PCDHGA5: variants seen among roughly 807,000 people sequenced by gnomAD.
PCDHGA5 encodes protocadherin gamma subfamily A, 5, also known as protocadherin gamma-A5.
A neutral mutation model predicts 56.7 loss-of-function variants in PCDHGA5; 36 were observed. The observed-to-expected ratio is 0.64, with a 90% CI of 0.49 to 0.84. The LOEUF (loss-of-function observed/expected upper bound fraction) is 0.84. Ranked by LOEUF, PCDHGA5 falls within the 40% of genes least tolerant of loss-of-function variation. The probability of loss-of-function intolerance (pLI) is 0.00; values close to 1 mark genes in which losing one functional copy is unlikely to be tolerated. For synonymous variants in PCDHGA5, 563 were observed against 520.2 expected (o/e 1.08, Z -1.12); for missense variants, 1,305 against 1,201.5 (o/e 1.09, Z -1.27).
At position 141,366,145 on chromosome 5, in the gene PCDHGA5, C is replaced by A; in HGVS notation, c.1815C>A (p.Ser605=). Reference sequence around the variant, plus strand: ...ATTCAGGCCAGAACGCCTGGCTGTCCTACCGCCTGCTTAAGGCCAGCGAGC... The same window carrying A: ...ATTCAGGCCAGAACGCCTGGCTGTCATACCGCCTGCTTAAGGCCAGCGAGC... ...DKDSGQNAWL[S]YRLLKASEPG... Residue 605 remains serine (S), a synonymous_variant, in exon 1 of 4, where the codon TCC becomes TCA. Transcript: ENST00000518069. 1.2e-6 allele frequency: 2 copies of A among 1,614,192 alleles called. No homozygotes were observed. Among genetic ancestry groups the A allele is most frequent in the Non-Finnish European group, 1.7e-6 (2 of 1,180,052 alleles).
intron 1 of PCDHGA5, among the ~76,000 whole-genome samples, chr5:141,483,834 A>G (rs2154580001): frequency 6.6e-6 from 1 of 152,212 alleles, no homozygotes; most frequent in South Asian, 2.1e-4. Flanking sequence ...CTAGGTAAGG[A>G]CTTGGTTGAA....
rs1763351021 is a variant in PCDHGA5, at chr5:141,364,473, T to C, written c.143T>C (p.Ile48Thr). The change falls in exon 1 of 4, where the codon ATA (isoleucine) becomes ACA (threonine). Residue 48 changes from isoleucine (I) to threonine (T), a missense_variant. Transcript: ENST00000518069. ...ELDKGSFVGN[I>T]AKDLGLEPQE... ...GACAAAGGCTCCTTCGTCGGCAACA[T>C]AGCCAAGGACCTTGGGCTGGAGCCC... 2.5e-6 allele frequency: 4 copies of C among 1,613,868 alleles called. No homozygotes were observed. The highest frequency in any genetic ancestry group is 2.5e-6 in the Non-Finnish European group (3 of 1,179,886).
In PCDHGA5 at chr5:141,422,312, C is replaced by T; in HGVS notation, c.2421+55561C>T. On this transcript the variant is annotated intron_variant, in intron 1 of 3. Coordinates refer to ENST00000518069, the MANE Select transcript of PCDHGA5 (RefSeq NM_018918.3). ...ATTAATTCAATTCTGGAAAACTCTC[C>T]TCCAGGTACAGTGATTGCTCTTCTA... The T allele has an allele frequency of 1.9e-6, 3 of 1,547,444 alleles. No individual in the cohort carries two copies. Among genetic ancestry groups the T allele is most frequent in the Non-Finnish European group, 1.7e-6 (2 of 1,153,976 alleles).
intron 1 of PCDHGA5, chr5:141,418,973 C>T: frequency 3.1e-6 from 5 of 1,613,916 alleles, no homozygotes; most frequent in Non-Finnish European, 3.4e-6. Context: ...CTTCAAAACA[C>T]GGGACCAAGA....
intron 1 of PCDHGA5, among the ~76,000 whole-genome samples, chr5:141,463,128 A>G (rs914895217): frequency 1.5e-4 from 23 of 152,190 alleles, no homozygotes; most frequent in Admixed American, 1.4e-3. Context: ...GCTCCCTGGC[A>G]GTTCTTCGCC....
chr5:141,423,300 G>T, intron 1 of PCDHGA5: 2 of 1,614,146 alleles, frequency 1.2e-6, no homozygotes, highest in African/African-American at 1.3e-5. Context: ...CAGACCTCTC[G>T]CTGTACTTGG....
intron 1 of PCDHGA5, chr5:141,409,289 G>A: frequency 1.2e-6 from 2 of 1,613,976 alleles, no homozygotes; most frequent in Middle Eastern, 1.6e-4. Context: ...TTCACCTCCA[G>A]GAATGGTTGT....
chr5:141,486,322 A>G lies in PCDHGA5; in HGVS notation c.2422-8485A>G. The G allele has an allele frequency of 1.9e-6, 3 of 1,613,926 alleles. No homozygotes were observed. The highest frequency in any genetic ancestry group is 2.5e-6 in the Non-Finnish European group (3 of 1,179,962). On this transcript the variant is annotated intron_variant, in intron 1 of 3. Coordinates refer to ENST00000518069, the MANE Select transcript of PCDHGA5 (RefSeq NM_018918.3). This position sits in a 1 kb window ranked among gnomAD's most constrained non-coding sequence, Gnocchi z 5.0. ...AGGATCCAGACTCAGGGTCAAACGG[A>G]GATGTGAGCCTCCGCATTCCTGACC...
intron 1 of PCDHGA5, chr5:141,423,752 G>T: frequency 6.2e-6 from 4 of 644,948 alleles, no homozygotes; most frequent in Non-Finnish European, 7.8e-6. Context: ...AAACTGTTTG[G>T]GGGGGGGGTG....
intron 1 of PCDHGA5, chr5:141,375,886 C>A: frequency 1.2e-6 from 2 of 1,613,822 alleles, no homozygotes; most frequent in South Asian, 2.2e-5. Flanking sequence ...CGGGCCAGAA[C>A]GCCTGGCTGT....
chr5:141,499,682 C>T, intron 2 of PCDHGA5, among the ~76,000 whole-genome samples: 1 of 148,196 alleles, frequency 6.7e-6, no homozygotes, highest in South Asian at 2.1e-4. Flanking sequence ...CCATCTTTAA[C>T]AGATGACTTT....
At chr5:141,465,047 T>C (rs2099095978) in intron 1 of PCDHGA5, among the ~76,000 whole-genome samples, 1 of 152,088 alleles carries the variant, frequency 6.6e-6, no homozygotes, top group Non-Finnish European at 1.5e-5. Context: ...TGACCCTATA[T>C]ATTTTTTTGA....
At position 141,492,010 on chromosome 5, in the gene PCDHGA5, G is replaced by A. The variant is rs2099736138; in HGVS notation, c.2422-2797G>A. 2 of 617,370 alleles carry A rather than the reference G, an allele frequency of 3.2e-6. 1 individual carries two copies. Among genetic ancestry groups the A allele is most frequent in the Middle Eastern group, 8.7e-4 (2 of 2,312 alleles). The allele number at this position is 617,370 out of a possible 1,614,324, so 38.2% of individuals were successfully genotyped here. On this transcript the variant is annotated intron_variant, in intron 1 of 3. Transcript: ENST00000518069. Reference sequence around the variant, plus strand: ...GGTGAATTTCGGGCGATTTCCGCGGGTGTCGGGGGTCCCGGGAGGAGGCAG... The same window carrying A: ...GGTGAATTTCGGGCGATTTCCGCGGATGTCGGGGGTCCCGGGAGGAGGCAG...
intron 1 of PCDHGA5, chr5:141,421,801 A>G (rs754191783): frequency 6.2e-7 from 1 of 1,613,858 alleles, no homozygotes; most frequent in Middle Eastern, 1.6e-4. Flanking sequence ...TGGGGCCAAG[A>G]ATCCAGAGCT....
At chr5:141,435,346 G>A (rs2097758346) in intron 1 of PCDHGA5, among the ~76,000 whole-genome samples, 1 of 152,012 alleles carries the variant, frequency 6.6e-6, no homozygotes, top group South Asian at 2.1e-4. Flanking sequence ...TATTTCTTCT[G>A]CATTTAAAAT....
chr5:141,371,862 T>C (rs549873232), intron 1 of PCDHGA5: 34 of 1,613,560 alleles, frequency 2.1e-5, no homozygotes, highest in African/African-American at 1.5e-4. Context: ...TGTCTCCTAC[T>C]ACATCGTGGC....
At chr5:141,500,184 TTTTATTTATTTA>T (rs58019021) in intron 2 of PCDHGA5, among the ~76,000 whole-genome samples, 197 of 135,960 alleles carry the variant, frequency 1.4e-3, no homozygotes, top group African/African-American at 3.6e-3. Context: ...TCATTTTTAT[TTTTATTTATTTA>T]TTTATTTATT....
In PCDHGA5 at chr5:141,487,494, C is replaced by T. The variant is rs116370895; in HGVS notation, c.2422-7313C>T. 12 of 1,614,120 alleles carry T rather than the reference C, an allele frequency of 7.4e-6. No individual in the cohort carries two copies. The East Asian group carries it at 1.1e-4, about 15-fold the overall frequency. On this transcript the variant is annotated intron_variant, in intron 1 of 3. Transcript: ENST00000518069. The surrounding 1 kb of genome is among the most constrained non-coding windows in gnomAD (Gnocchi z 5.0). Reference sequence around the variant, plus strand: ...GGAGGCCACTCTCATGGCTGTACACCCTTGGCTTCTGCACCCACTCGGAGT... The same window carrying T: ...GGAGGCCACTCTCATGGCTGTACACTCTTGGCTTCTGCACCCACTCGGAGT...
Position 141,511,151 on chromosome 5 carries a change from C to G in PCDHGA5, c.2774C>G (p.Ser925Trp). The change falls in exon 4 of 4, where the codon TCG becomes TGG. Residue 925 changes from serine (S) to tryptophan (W), a missense_variant. Transcript: ENST00000518069. ...PAGGNGNKKK[S>W]GKKEKK ...GGTGGCAATGGCAACAAGAAGAAGTCGGGCAAGAAGGAGAAGAAGTAACAT... is the reference window on the plus strand; with the variant it reads ...GGTGGCAATGGCAACAAGAAGAAGTGGGGCAAGAAGGAGAAGAAGTAACAT... The G allele has an allele frequency of 6.2e-7, 1 of 1,614,152 alleles. No individual in the cohort carries two copies. Among genetic ancestry groups the G allele is most frequent in the Non-Finnish European group, 8.5e-7 (1 of 1,179,994 alleles).
Sources: gnomAD v4.1 joint callset for allele counts (sites outside exome capture counted in the v4.1 genomes callset) on GRCh38, gnomAD v4.1.1 for gene constraint, Gnocchi (gnomAD v3.1) non-coding constraint, MANE v1.5 for transcripts, NCBI Gene and HGNC (gene_info 2026-07-23, HGNC 2026-07-21) for gene names.